TSHZ2: variants seen among roughly 807,000 people sequenced by gnomAD.
TSHZ2 encodes the protein teashirt homolog 2.
Under a neutral mutation model 74.4 loss-of-function variants are expected in TSHZ2, and 21 were observed. The ratio of observed to expected loss-of-function variants is 0.28; its 90% CI spans 0.20 to 0.41. TSHZ2 has a LOEUF of 0.41. Ranked by LOEUF, TSHZ2 falls within the 10% of genes least tolerant of loss-of-function variation. The probability of loss-of-function intolerance (pLI) is 1.00; values close to 1 mark genes in which losing one functional copy is unlikely to be tolerated. For synonymous variants in TSHZ2, 540 were observed against 515.3 expected (o/e 1.05, Z -0.65); for missense variants, 1,244 against 1,293.5 (o/e 0.96, Z 0.59).
At chr20:53,367,233 T>G (rs1981296385) in intron 2 of TSHZ2, among the ~76,000 whole-genome samples, 1 of 139,796 alleles carries the variant, frequency 7.2e-6, no homozygotes, top group Admixed American at 7.2e-5. Flanking sequence ...CTGTCTCTAC[T>G]AAAAAAAAAA....
chr20:53,066,755 C>G (rs1012743612), intron 1 of TSHZ2, among the ~76,000 whole-genome samples: 5 of 152,214 alleles, frequency 3.3e-5, no homozygotes, highest in African/African-American at 1.2e-4. Context: ...ATCTGCCCGC[C>G]TCGGCCTCCC....
At chr20:53,083,838 A>ATTT (rs11483186) in intron 1 of TSHZ2, among the ~76,000 whole-genome samples, 3 of 151,742 alleles carry the variant, frequency 2.0e-5, no homozygotes, top group African/African-American at 7.3e-5. Context: ...GGGAATGTCT[A>ATTT]TTTTTTTTAT....
chr20:53,100,119 C>T (rs1986174507), intron 1 of TSHZ2, among the ~76,000 whole-genome samples: 1 of 152,142 alleles, frequency 6.6e-6, no homozygotes, highest in African/African-American at 2.4e-5. Flanking sequence ...TGCATGTTAT[C>T]ATTAATCCTG....
At chr20:53,112,541 GT>G (rs1986562943) in intron 1 of TSHZ2, among the ~76,000 whole-genome samples, 1 of 151,976 alleles carries the variant, frequency 6.6e-6, no homozygotes, top group Admixed American at 6.6e-5. Flanking sequence ...TTTTTTGTTT[GT>G]TTTTGAGACA....
At chr20:53,352,232 CTTTTTTTTTT>C (rs142220716) in intron 2 of TSHZ2, among the ~76,000 whole-genome samples, 3 of 57,906 alleles carry the variant, frequency 5.2e-5, no homozygotes, top group East Asian at 5.5e-4. Context: ...CTCCTAAGCT[CTTTTTTTTTT>C]TTTTTTTTTT....
At chr20:53,172,673 A>G (rs1988229562) in intron 1 of TSHZ2, among the ~76,000 whole-genome samples, 1 of 152,146 alleles carries the variant, frequency 6.6e-6, no homozygotes, top group Admixed American at 6.5e-5. Flanking sequence ...GGTGAGTACT[A>G]TCATTATTTC....
chr20:53,210,685 C>T (rs911253732), intron 1 of TSHZ2, among the ~76,000 whole-genome samples: 1 of 152,040 alleles, frequency 6.6e-6, no homozygotes, highest in Non-Finnish European at 1.5e-5. Flanking sequence ...ACAGAAATGC[C>T]TGTTCCCACT....
At chr20:53,270,453 C>T (rs1050780262) in intron 2 of TSHZ2, among the ~76,000 whole-genome samples, 1 of 152,084 alleles carries the variant, frequency 6.6e-6, no homozygotes, top group African/African-American at 2.4e-5. Context: ...AACCAGCCCT[C>T]AGAGATGTGA....
In TSHZ2 at chr20:53,193,669, C is replaced by T. The variant is rs147703525; in HGVS notation, c.41-59830C>T. On this transcript the variant is annotated intron_variant, in intron 1 of 2. Coordinates refer to ENST00000371497, the MANE Select transcript of TSHZ2 (RefSeq NM_173485.6). ...GCACCCACCCTTTCTTTTCAGTGCTCGTACCACAGGAATGGTCTACAGCCT... is the reference window on the plus strand; with the variant it reads ...GCACCCACCCTTTCTTTTCAGTGCTTGTACCACAGGAATGGTCTACAGCCT... Among the ~76,000 whole-genome samples the T allele has an allele frequency of 1.3e-4, 20 of 152,276 alleles. 1 individual carries two copies. In the East Asian group the frequency reaches 2.5e-3, roughly 19 times the overall value.
intron 1 of TSHZ2, among the ~76,000 whole-genome samples, chr20:53,128,021 C>T (rs1353784351): frequency 9.2e-6 from 1 of 108,578 alleles, no homozygotes; most frequent in African/African-American, 4.7e-5. Context: ...CATGTTGTGG[C>T]TGTTTTTGGC....
At chr20:53,259,449 T>G (rs1990556057) in intron 2 of TSHZ2, among the ~76,000 whole-genome samples, 2 of 152,244 alleles carry the variant, frequency 1.3e-5, no homozygotes, top group Admixed American at 6.5e-5. Flanking sequence ...ACAATTTCAA[T>G]ATGTATTTGT....
chr20:53,147,360 A>G (rs898895014), intron 1 of TSHZ2, among the ~76,000 whole-genome samples: 1 of 152,148 alleles, frequency 6.6e-6, no homozygotes, highest in Non-Finnish European at 1.5e-5. Flanking sequence ...CTCTGTATAA[A>G]CTCCATTTTG....
chr20:53,424,143 TTC>T (rs1983579812), intron 2 of TSHZ2, among the ~76,000 whole-genome samples: 1 of 152,244 alleles, frequency 6.6e-6, no homozygotes, highest in South Asian at 2.1e-4. Flanking sequence ...AGTCAGATAA[TTC>T]TGTTATGGCA....
At chr20:53,108,794 GC>G (rs1480153879) in intron 1 of TSHZ2, among the ~76,000 whole-genome samples, 1 of 152,180 alleles carries the variant, frequency 6.6e-6, no homozygotes, top group Non-Finnish European at 1.5e-5. Context: ...GAGTAACAGA[GC>G]CCCACATCCA....
intron 2 of TSHZ2, among the ~76,000 whole-genome samples, chr20:53,465,522 C>T (rs1195571832): frequency 6.6e-6 from 1 of 152,078 alleles, no homozygotes; most frequent in African/African-American, 2.4e-5. Flanking sequence ...CCACCTGCCT[C>T]GGCCTTCCAA....
intron 2 of TSHZ2, among the ~76,000 whole-genome samples, chr20:53,470,042 T>C (rs1261925676): frequency 6.6e-6 from 1 of 152,204 alleles, no homozygotes. Flanking sequence ...GAGTCCCTCT[T>C]GCCATTTGGA....
At chr20:53,281,493 A>G (rs1334966288) in intron 2 of TSHZ2, among the ~76,000 whole-genome samples, 1 of 152,196 alleles carries the variant, frequency 6.6e-6, no homozygotes, top group African/African-American at 2.4e-5. Context: ...AAAAGCAGCC[A>G]TAGGTGATAT....
chr20:53,288,466 T>A (rs1463951411), intron 2 of TSHZ2, among the ~76,000 whole-genome samples: 2 of 152,176 alleles, frequency 1.3e-5, no homozygotes, highest in African/African-American at 2.4e-5. Flanking sequence ...TATATTGACA[T>A]TAAAATTTGT....
At chr20:53,370,638 T>A (rs1600834858) in intron 2 of TSHZ2, among the ~76,000 whole-genome samples, 1 of 152,106 alleles carries the variant, frequency 6.6e-6, no homozygotes, top group Non-Finnish European at 1.5e-5. Flanking sequence ...GTGGCATGCA[T>A]CTGTGGTCCC....
Sources: allele counts gnomAD v4.1 joint callset (sites outside exome capture counted in the v4.1 genomes callset), GRCh38; gene constraint gnomAD v4.1.1; transcripts MANE v1.5; gene names NCBI Gene and HGNC (gene_info 2026-07-23, HGNC 2026-07-21).